Variants in MICAL3 observed in about 807,000 individuals in gnomAD.
MICAL3 encodes [F-actin]-monooxygenase MICAL3.
Under a neutral mutation model 207.4 loss-of-function variants are expected in MICAL3, and 62 were observed. That is an observed-to-expected ratio of 0.30 (90% CI 0.24 to 0.37). The LOEUF (loss-of-function observed/expected upper bound fraction) is 0.37. Among genes scored for constraint, MICAL3 ranks in the 10% least tolerant of loss-of-function variants. MICAL3 has a pLI of 1.00. For missense variants in MICAL3, 2,368 were observed against 2,635.6 expected (o/e 0.90, Z 2.22); for synonymous variants, 1,077 against 1,069.3 (o/e 1.01, Z -0.14).
intron 16 of MICAL3, among the ~76,000 whole-genome samples, chr22:17,878,890 G>A (rs537938454): frequency 6.6e-6 from 1 of 152,074 alleles, no homozygotes; most frequent in Non-Finnish European, 1.5e-5. Flanking sequence ...CCTCACGCTG[G>A]TAAGAGCTTT....
chr22:17,860,677 C>G, intron 19 of MICAL3: 1 of 985,416 alleles, frequency 1.0e-6, no homozygotes, highest in Non-Finnish European at 1.2e-6. Flanking sequence ...GGCGGGTGCC[C>G]GGCTCTCCGT....
chr22:17,810,193 G>C (rs2062029968), intron 28 of MICAL3, among the ~76,000 whole-genome samples: 1 of 151,682 alleles, frequency 6.6e-6, no homozygotes, highest in Non-Finnish European at 1.5e-5. Flanking sequence ...CACCCGAGTA[G>C]CTGGGACTAC....
chr22:17,855,786 A>T (rs1236956721), intron 19 of MICAL3, among the ~76,000 whole-genome samples: 1 of 152,180 alleles, frequency 6.6e-6, no homozygotes, highest in Non-Finnish European at 1.5e-5. Context: ...ATGGTTGTCA[A>T]ATTGGGAGAC....
At chr22:17,901,236 T>A (rs903497588) in intron 5 of MICAL3, among the ~76,000 whole-genome samples, 2 of 152,194 alleles carry the variant, frequency 1.3e-5, no homozygotes, top group African/African-American at 4.8e-5. Context: ...CTGGCCAGAA[T>A]ATTACTCAGT....
rs1207895117 is a variant in MICAL3, at chr22:17,841,759, C to A, written c.2801+63G>T. On this transcript the variant is annotated intron_variant, in intron 20 of 31. Coordinates refer to ENST00000441493, the MANE Select transcript of MICAL3 (RefSeq NM_015241.3). The surrounding 1 kb of genome is among the most constrained non-coding windows in gnomAD (Gnocchi z 4.2). ...TTCACTGAGAAGAAACCGAGACACA[C>A]AGAGGTGAGGAGGCTCTTAGGGCCG... 1 of 1,496,318 alleles carries A rather than the reference C, an allele frequency of 6.7e-7. No homozygotes were observed. Among genetic ancestry groups the A allele is most frequent in the Admixed American group, 2.0e-5 (1 of 50,468 alleles). 92.7% of individuals were successfully genotyped at this position (1,496,318 alleles called of 1,614,324 possible).
chr22:17,944,743 A>C (rs953066598), intron 1 of MICAL3, among the ~76,000 whole-genome samples: 4 of 152,110 alleles, frequency 2.6e-5, no homozygotes, highest in African/African-American at 9.7e-5. Context: ...TTTTTAACTG[A>C]AAATAGGGTA....
chr22:17,818,507 A>T lies in MICAL3; in HGVS notation c.4154T>A (p.Ile1385Asn). ...EGLHLLKPLSIPKRLGLPKPE... is the reference protein window; with the variant it reads ...EGLHLLKPLSNPKRLGLPKPE... ...CTTTGGCAGGCCCAGCCTTTTGGGG[A>T]TGGACAGAGGCTTGAGAAGGTGGAG... Residue 1385 changes from isoleucine to asparagine, a missense_variant, in exon 26 of 32, where the codon ATC (isoleucine) becomes AAC (asparagine). This residue lies in a region of MICAL3 where 1,770 missense variants were observed against 1,863.2 expected (regional missense o/e 0.95). Transcript: ENST00000441493. 1.2e-6 allele frequency: 2 copies of T among 1,613,118 alleles called. No homozygotes were observed. The highest frequency in any genetic ancestry group is 8.5e-7 in the Non-Finnish European group (1 of 1,179,860).
At chr22:17,832,735 G>A (rs191074042) in intron 20 of MICAL3, among the ~76,000 whole-genome samples, 4 of 152,250 alleles carry the variant, frequency 2.6e-5, no homozygotes, top group African/African-American at 9.6e-5. Flanking sequence ...GAGAGCTGTG[G>A]GTGTGGTGGG....
chr22:17,965,544 ACTTACTACT>A (rs1935108835), intron 1 of MICAL3, among the ~76,000 whole-genome samples: 1 of 152,220 alleles, frequency 6.6e-6, no homozygotes, highest in Middle Eastern at 3.2e-3. Flanking sequence ...TGTATTCATC[ACTTACTACT>A]GATATACTGA....
intron 16 of MICAL3, among the ~76,000 whole-genome samples, chr22:17,878,499 T>C (rs1283854758): frequency 6.6e-6 from 1 of 152,184 alleles, no homozygotes; most frequent in Non-Finnish European, 1.5e-5. Flanking sequence ...GGCACTATGA[T>C]TAGCTCCTAT....
At chr22:17,929,082 G>A (rs1023916431) in intron 1 of MICAL3, among the ~76,000 whole-genome samples, 5 of 149,202 alleles carry the variant, frequency 3.4e-5, no homozygotes, top group South Asian at 2.1e-4. Context: ...CATGAGCCAC[G>A]GTGCCCGGCC....
chr22:17,850,268 A>G (rs1001338192), intron 19 of MICAL3, among the ~76,000 whole-genome samples: 2 of 152,154 alleles, frequency 1.3e-5, no homozygotes, highest in Non-Finnish European at 2.9e-5. Flanking sequence ...CCTCAGACCC[A>G]AACACTGTTT....
In MICAL3 at chr22:18,017,236, G is replaced by A. The variant is rs546030129; in HGVS notation, c.-75+7045C>T. 2.6e-4 allele frequency among the ~76,000 whole-genome samples: 39 copies of A among 148,858 alleles called. No homozygotes were observed. In the South Asian group the frequency reaches 4.9e-3, roughly 19 times the overall value. On this transcript the variant is annotated intron_variant, in intron 1 of 31. Transcript: ENST00000441493. ...TTAACTTTTTTTTTTTTTTTGAGACGGAGTCTCGCTCTTCTTGCCTAGGCT... is the reference window on the plus strand; with the variant it reads ...TTAACTTTTTTTTTTTTTTTGAGACAGAGTCTCGCTCTTCTTGCCTAGGCT...
chr22:17,800,888 C>A lies in MICAL3; in HGVS notation c.5650+7956G>T, dbSNP rs116941967. Reference sequence around the variant, plus strand: ...CACAAGAGCAGAAACAGAAAAGAAACCTAATTCTGGCATTGCCGTCGTCCT... The same window carrying A: ...CACAAGAGCAGAAACAGAAAAGAAAACTAATTCTGGCATTGCCGTCGTCCT... On this transcript the variant is annotated intron_variant, in intron 29 of 31. Transcript: ENST00000441493. 1.2e-4 allele frequency among the ~76,000 whole-genome samples: 19 copies of A among 152,290 alleles called. 1 individual carries two copies. In the East Asian group the frequency reaches 3.7e-3, roughly 29 times the overall value.
At position 17,818,142 on chromosome 22, in the gene MICAL3, C is replaced by A; in HGVS notation, c.4519G>T (p.Glu1507Ter). Residue 1507 changes from glutamate to a stop codon, truncating the protein, a stop_gained, in exon 26 of 32, where the codon GAG becomes TAG. Transcript: ENST00000441493. LOFTEE classifies it high-confidence loss of function. Reference protein sequence around the residue: ...PPREPAQPPREEVRKSFVESV... With the variant: ...PPREPAQPPR ...TCCACAAACGACTTCCGCACCTCCT[C>A]TCTGGGGGGCTGAGCAGGCTCCCGG... 1 of 1,607,084 alleles carries A rather than the reference C, an allele frequency of 6.2e-7. No homozygotes were observed. The highest frequency in any genetic ancestry group is 1.3e-5 in the African/African-American group (1 of 74,972).
intron 20 of MICAL3, among the ~76,000 whole-genome samples, chr22:17,834,042 C>T (rs1176354384): frequency 1.3e-5 from 2 of 152,224 alleles, no homozygotes; most frequent in Non-Finnish European, 2.9e-5. Context: ...AGCAAACTAT[C>T]AAACCTGTGG....
intron 1 of MICAL3, among the ~76,000 whole-genome samples, chr22:17,994,660 C>A (rs391550): frequency 2.7e-5 from 4 of 150,908 alleles, no homozygotes; most frequent in South Asian, 2.1e-4. Context: ...TGCAGTGAGC[C>A]GAGATCATGC....
chr22:17,955,711 C>T (rs1934579343), intron 1 of MICAL3, among the ~76,000 whole-genome samples: 1 of 152,226 alleles, frequency 6.6e-6, no homozygotes, highest in Admixed American at 6.5e-5. Flanking sequence ...CCCCACATTT[C>T]TTCTACCAGC....
In MICAL3 at chr22:17,790,826, G is replaced by A. The variant is rs780828365; in HGVS notation, c.5915C>T (p.Ala1972Val). ...CCGGAGCCGCTGCTCCTCCAGCAGCGCCACCAGTGAGTCTCTCTGCTCCAC... is the reference window on the plus strand; with the variant it reads ...CCGGAGCCGCTGCTCCTCCAGCAGCACCACCAGTGAGTCTCTCTGCTCCAC... ...EVVEQRDSLVALLEEQRLRER... is the reference protein window; with the variant it reads ...EVVEQRDSLVVLLEEQRLRER... Residue 1972 changes from alanine (A) to valine (V), a missense_variant, in exon 32 of 32, where the codon GCG (alanine) becomes GTG (valine). Physicochemically the swap from Ala to Val is moderately conservative, Grantham distance 64. This residue lies in a region of MICAL3 where 1,770 missense variants were observed against 1,863.2 expected (regional missense o/e 0.95). Transcript: ENST00000441493. 24 of 1,613,710 alleles carry A rather than the reference G, an allele frequency of 1.5e-5. No homozygotes were observed. The Admixed American group carries it at 2.0e-4, about 13-fold the overall frequency.
Sources: allele counts gnomAD v4.1 joint callset (sites outside exome capture counted in the v4.1 genomes callset), GRCh38; gene constraint gnomAD v4.1.1; regional missense constraint gnomAD v4.1.1; non-coding constraint Gnocchi (gnomAD v3.1); transcripts MANE v1.5; gene names NCBI Gene and HGNC (gene_info 2026-07-23, HGNC 2026-07-21).